CACNA1A: variants seen among roughly 807,000 people sequenced by gnomAD.
CACNA1A encodes the protein voltage-dependent P/Q-type calcium channel subunit alpha-1A.
A neutral mutation model predicts 262.4 loss-of-function variants in CACNA1A; 57 were observed. The ratio of observed to expected loss-of-function variants is 0.22; its 90% CI spans 0.18 to 0.27. The LOEUF (loss-of-function observed/expected upper bound fraction) is 0.27. CACNA1A is among the 10% of genes least tolerant of loss of function. The pLI, the probability that CACNA1A is intolerant of heterozygous loss-of-function variation, is 1.00. For synonymous variants in CACNA1A, 1,431 were observed against 1,419.3 expected (o/e 1.01, Z -0.18); for missense variants, 2,526 against 3,562.8 (o/e 0.71, Z 7.41).
chr19:13,228,456 A>G (rs912562463), intron 36 of CACNA1A, among the ~76,000 whole-genome samples: 1 of 151,936 alleles, frequency 6.6e-6, no homozygotes, highest in Non-Finnish European at 1.5e-5. Context: ...TTCAGCTAAG[A>G]GCAAGCAAAG....
chr19:13,290,297 C>T (rs927700325), intron 19 of CACNA1A, among the ~76,000 whole-genome samples: 3 of 151,958 alleles, frequency 2.0e-5, no homozygotes, highest in African/African-American at 7.3e-5. Flanking sequence ...CAAAGAAATC[C>T]CTAATTCTAA....
intron 35 of CACNA1A, 112 bp from the exon 36 acceptor site, chr19:13,230,321 C>T: frequency 9.1e-7 from 1 of 1,101,784 alleles, no homozygotes; most frequent in Non-Finnish European, 1.3e-6. Flanking sequence ...AAGACATGTA[C>T]ACAGAGGCCC....
chr19:13,357,961 T>C (rs2145237611), intron 6 of CACNA1A, among the ~76,000 whole-genome samples: 1 of 151,980 alleles, frequency 6.6e-6, no homozygotes, highest in South Asian at 2.1e-4. Context: ...GAGCTATGAT[T>C]ACACCACTGC....
chr19:13,256,653 C>T (rs113296305), intron 28 of CACNA1A: 3,143 of 152,114 alleles, frequency 0.021, 55 homozygotes, highest in Non-Finnish European at 0.032. Flanking sequence ...TCCTGCCTGG[C>T]TAATTTTTTT....
intron 3 of CACNA1A, among the ~76,000 whole-genome samples, chr19:13,381,237 CA>C (rs1445261767): frequency 4.6e-5 from 7 of 151,684 alleles, no homozygotes; most frequent in Non-Finnish European, 4.4e-5. Flanking sequence ...AAAATAATAA[CA>C]ATTAAAAAAA....
At chr19:13,370,915 T>C (rs1390362736) in intron 4 of CACNA1A, 2 of 152,014 alleles carry the variant, frequency 1.3e-5, no homozygotes, top group African/African-American at 2.4e-5. Flanking sequence ...GACAAGAAGA[T>C]AGAAAAAGGA....
intron 30 of CACNA1A, among the ~76,000 whole-genome samples, chr19:13,250,062 A>ATT (rs577478712): frequency 7.0e-6 from 1 of 143,522 alleles, no homozygotes; most frequent in African/African-American, 2.5e-5. Flanking sequence ...CTTCACCTTA[A>ATT]TTTTTTTTTT....
chr19:13,470,729 C>CT (rs2061333681), intron 1 of CACNA1A, among the ~76,000 whole-genome samples: 1 of 152,184 alleles, frequency 6.6e-6, no homozygotes, highest in Non-Finnish European at 1.5e-5. Context: ...CTTCTGCCTT[C>CT]TGGGTTGGCT....
intron 12 of CACNA1A, among the ~76,000 whole-genome samples, chr19:13,312,046 C>T (rs1282730171): frequency 1.3e-5 from 2 of 152,072 alleles, no homozygotes; most frequent in Non-Finnish European, 2.9e-5. Flanking sequence ...GGATGAATTC[C>T]TAGCAATGGA....
intron 30 of CACNA1A, among the ~76,000 whole-genome samples, chr19:13,246,111 G>A (rs528487927): frequency 6.6e-6 from 1 of 152,186 alleles, no homozygotes; most frequent in Non-Finnish European, 1.5e-5. Context: ...CAGCATACTC[G>A]CAAAGAAAGG....
chr19:13,473,575 G>A (rs1234605482), intron 1 of CACNA1A, among the ~76,000 whole-genome samples: 1 of 152,146 alleles, frequency 6.6e-6, no homozygotes, highest in Non-Finnish European at 1.5e-5. Context: ...GACCCTGCTG[G>A]TTTTCTCCCA....
At chr19:13,233,916 C>T (rs1043710211) in intron 34 of CACNA1A, among the ~76,000 whole-genome samples, 1 of 152,086 alleles carries the variant, frequency 6.6e-6, no homozygotes. Flanking sequence ...TTCTCTATTT[C>T]CTGGTGCATC....
chr19:13,506,378 G>A lies in CACNA1A; in HGVS notation c.-154C>T. 1 of 585,952 alleles carries A rather than the reference G, an allele frequency of 1.7e-6. No individual in the cohort carries two copies. The highest frequency in any genetic ancestry group is 2.5e-6 in the Non-Finnish European group (1 of 396,374). 36.3% of individuals were successfully genotyped at this position (585,952 alleles called of 1,614,324 possible). A position where few individuals can be genotyped will look rare whatever the true frequency, so the allele number is the denominator to read the frequency against. ...GAGACGCTCCACGGCCCAGCCCATC[G>A]GGCGGCGGCGGCTCGGCGCCTCGGG... is the stretch of plus-strand genomic sequence containing the variant. On this transcript the variant is annotated 5_prime_UTR_variant, in exon 1 of 47. Transcript: ENST00000360228.
intron 29 of CACNA1A, among the ~76,000 whole-genome samples, chr19:13,254,887 A>C (rs2056502520): frequency 6.6e-6 from 1 of 152,062 alleles, no homozygotes; most frequent in Admixed American, 6.6e-5. Flanking sequence ...CTGGAGGAAG[A>C]GGTCTGCAGG....
Position 13,215,193 on chromosome 19 carries a change from TAG to T in CACNA1A, c.5732-587_5732-586del, listed in dbSNP as rs1336650177. 4 of 151,736 alleles carry T rather than the reference TAG, an allele frequency of 2.6e-5. No individual in the cohort carries two copies. In the East Asian group the frequency reaches 7.8e-4, roughly 29 times the overall value. The allele number at this position is 151,736 out of a possible 1,614,324, so 9.4% of individuals were successfully genotyped here. A position where few individuals can be genotyped will look rare whatever the true frequency, so the allele number is the denominator to read the frequency against. On this transcript the variant is annotated intron_variant, in intron 38 of 46. Transcript: ENST00000360228. Reference sequence around the variant, plus strand: ...CCTGGCTAATTTTTTGTATTTTTAGTAGAGACGGAGTTTCACCATGTTGGTCA... The same window carrying T: ...CCTGGCTAATTTTTTGTATTTTTAGTAGACGGAGTTTCACCATGTTGGTCA...
intron 4 of CACNA1A, among the ~76,000 whole-genome samples, chr19:13,370,594 T>A (rs1471969223): frequency 6.6e-6 from 1 of 150,938 alleles, no homozygotes; most frequent in Non-Finnish European, 1.5e-5. Flanking sequence ...CCTGCTAATT[T>A]TTTTTTTTTT....
At chr19:13,446,908 T>C (rs1443162257) in intron 3 of CACNA1A, among the ~76,000 whole-genome samples, 1 of 152,074 alleles carries the variant, frequency 6.6e-6, no homozygotes, top group African/African-American at 2.4e-5. Context: ...ATGTTTTACT[T>C]TCCCCTCCCT....
intron 5 of CACNA1A, among the ~76,000 whole-genome samples, chr19:13,360,467 C>T (rs1472464334): frequency 6.8e-6 from 1 of 147,708 alleles, no homozygotes; most frequent in African/African-American, 2.5e-5. Flanking sequence ...TTTGCCTTGC[C>T]ACTAGAATTT....
intron 3 of CACNA1A, among the ~76,000 whole-genome samples, chr19:13,397,758 A>AG (rs1430969124): frequency 6.6e-6 from 1 of 152,160 alleles, no homozygotes; most frequent in Non-Finnish European, 1.5e-5. Context: ...AGCCAGTGGG[A>AG]GGTAGATGGA....
Sources: allele counts gnomAD v4.1 joint callset (sites outside exome capture counted in the v4.1 genomes callset), GRCh38; gene constraint gnomAD v4.1.1; transcripts MANE v1.5; gene names NCBI Gene and HGNC (gene_info 2026-07-23, HGNC 2026-07-21).